Variants in SRGAP3 observed in about 807,000 individuals in gnomAD.
SRGAP3 encodes SLIT-ROBO Rho GTPase activating protein 3, also known as SLIT-ROBO Rho GTPase-activating protein 3.
SRGAP3 carries 39 observed loss-of-function variants against 121.1 expected under a neutral mutation model. The observed-to-expected ratio is 0.32, with a 90% CI of 0.25 to 0.42. SRGAP3 has a LOEUF of 0.42. Among genes scored for constraint, SRGAP3 ranks in the 10% least tolerant of loss-of-function variants. SRGAP3 has a pLI of 1.00. For synonymous variants in SRGAP3, 601 were observed against 570.0 expected (o/e 1.05, Z -0.77); for missense variants, 1,213 against 1,470.6 (o/e 0.82, Z 2.86).
chr3:9,012,686 G>A (rs546879043), intron 17 of SRGAP3, among the ~76,000 whole-genome samples: 12 of 152,256 alleles, frequency 7.9e-5, no homozygotes, highest in Non-Finnish European at 1.8e-4. Context: ...ATGAAGTTGA[G>A]GTGGGGACTA....
At chr3:9,154,244 T>A (rs1377264102) in intron 1 of SRGAP3, among the ~76,000 whole-genome samples, 1 of 152,118 alleles carries the variant, frequency 6.6e-6, no homozygotes, top group Non-Finnish European at 1.5e-5. Flanking sequence ...CCTCCTTGCC[T>A]TTTTCATTGG....
At chr3:9,099,335 T>C (rs927532269) in intron 3 of SRGAP3, among the ~76,000 whole-genome samples, 3 of 152,162 alleles carry the variant, frequency 2.0e-5, no homozygotes, top group Admixed American at 1.3e-4. Flanking sequence ...AACCATCAAA[T>C]TCACATCACG....
intron 1 of SRGAP3, among the ~76,000 whole-genome samples, chr3:9,172,376 T>A (rs1154383): frequency 0.22 from 33,903 of 152,124 alleles, 4,326 homozygotes; most frequent in Admixed American, 0.3. Context: ...GTGCTGGGAT[T>A]ACAGGCATGA....
At chr3:9,110,945 T>C (rs539130974) in intron 2 of SRGAP3, among the ~76,000 whole-genome samples, 41 of 152,358 alleles carry the variant, frequency 2.7e-4, no homozygotes, top group African/African-American at 9.9e-4. Flanking sequence ...GCGTCTGCCA[T>C]GCTAGCTGTG....
At chr3:9,027,345 C>T (rs995724485) in intron 12 of SRGAP3, among the ~76,000 whole-genome samples, 6 of 152,136 alleles carry the variant, frequency 3.9e-5, no homozygotes, top group Non-Finnish European at 8.8e-5. Context: ...TCTGCCTCCC[C>T]CTCCATTTTG....
At chr3:9,025,140 A>T in intron 14 of SRGAP3, 121 bp downstream of exon 14, 1 of 976,474 alleles carries the variant, frequency 1.0e-6, no homozygotes, top group Non-Finnish European at 1.6e-6. Context: ...AGAGATGTGC[A>T]CAATCAGCTC....
intron 3 of SRGAP3, among the ~76,000 whole-genome samples, chr3:9,317,622 G>A (rs1955369793): frequency 6.6e-6 from 1 of 152,222 alleles, no homozygotes; most frequent in Non-Finnish European, 1.5e-5. Context: ...GAATAAGTCT[G>A]AGAAACTGAG....
intron 3 of SRGAP3, among the ~76,000 whole-genome samples, chr3:9,276,482 A>G (rs1463932174): frequency 4.0e-5 from 6 of 150,576 alleles, no homozygotes; most frequent in African/African-American, 1.2e-4. Context: ...CTGAAGTGCA[A>G]TGGCGCAATC....
At chr3:9,292,811 T>A (rs1165775380) in intron 3 of SRGAP3, 1 of 152,150 alleles carries the variant, frequency 6.6e-6, no homozygotes, top group Non-Finnish European at 1.5e-5. Context: ...TCTCCCCCCA[T>A]TACTGCTCTC....
chr3:8,998,256 T>C (rs1942534032), intron 18 of SRGAP3, among the ~76,000 whole-genome samples: 1 of 152,214 alleles, frequency 6.6e-6, no homozygotes. Context: ...GTACTTCCTA[T>C]TGCTTCTCCC....
At chr3:9,237,922 G>A (rs1013019519) in intron 1 of SRGAP3, among the ~76,000 whole-genome samples, 1 of 152,246 alleles carries the variant, frequency 6.6e-6, no homozygotes, top group East Asian at 1.9e-4. Flanking sequence ...GACAAGAAAA[G>A]AAGCAGGGAG....
rs747680361 is a variant in SRGAP3 at position 9,015,554 on chromosome 3, T to A, written c.1813+43A>T. The stretch of plus-strand genomic sequence containing the variant: ...TAAGCCTGTAGCTCAACTCCAACAA[T>A]GATTTGTCAAAAAACTGATCATTTC... On this transcript the variant is annotated intron_variant, in intron 15 of 21. Transcript: ENST00000383836. 6 of 1,612,222 alleles carry A rather than the reference T, an allele frequency of 3.7e-6. No individual in the cohort carries two copies. The South Asian group carries it at 6.6e-5, about 18-fold the overall frequency.
intron 3 of SRGAP3, among the ~76,000 whole-genome samples, chr3:9,262,643 A>C (rs552655177): frequency 2.7e-4 from 41 of 152,124 alleles, no homozygotes; most frequent in Middle Eastern, 3.4e-3. Context: ...ACATAATGGT[A>C]AAGGGATCAA....
intron 1 of SRGAP3, among the ~76,000 whole-genome samples, chr3:9,164,102 A>G (rs148274974): frequency 3.6e-3 from 528 of 146,466 alleles, no homozygotes; most frequent in African/African-American, 0.013. Context: ...GGTTCAAGCA[A>G]TTCTCCTGCC....
At chr3:9,136,108 C>T (rs909375980) in intron 1 of SRGAP3, among the ~76,000 whole-genome samples, 1 of 152,226 alleles carries the variant, frequency 6.6e-6, no homozygotes, top group African/African-American at 2.4e-5. Flanking sequence ...TCACCAGCCA[C>T]CTTCTTCCAG....
chr3:9,114,767 T>C (rs1338325331), intron 2 of SRGAP3, among the ~76,000 whole-genome samples: 2 of 152,238 alleles, frequency 1.3e-5, no homozygotes, highest in Admixed American at 6.5e-5. Flanking sequence ...GTGTGGCATG[T>C]GTAGCACTAG....
chr3:9,051,161 G>A (rs949108191), intron 9 of SRGAP3, among the ~76,000 whole-genome samples: 3 of 151,378 alleles, frequency 2.0e-5, no homozygotes, highest in African/African-American at 7.3e-5. Flanking sequence ...TGAATAGCTG[G>A]GACCATAGAT....
chr3:9,310,216 G>A (rs1955219089), intron 3 of SRGAP3, among the ~76,000 whole-genome samples: 1 of 152,164 alleles, frequency 6.6e-6, no homozygotes, highest in South Asian at 2.1e-4. Flanking sequence ...CACTTCCCAG[G>A]ATGAACATGG....
At chr3:9,175,135 T>C (rs1951131872) in intron 1 of SRGAP3, among the ~76,000 whole-genome samples, 2 of 152,188 alleles carry the variant, frequency 1.3e-5, no homozygotes, top group Admixed American at 1.3e-4. Flanking sequence ...GTCAGCCAGA[T>C]GTTCCAACAT....
Sources: allele counts gnomAD v4.1 joint callset (sites outside exome capture counted in the v4.1 genomes callset), GRCh38; gene constraint gnomAD v4.1.1; transcripts MANE v1.5; gene names NCBI Gene and HGNC (gene_info 2026-07-23, HGNC 2026-07-21).